NADK: variants seen among roughly 807,000 people sequenced by gnomAD.
NADK encodes the protein NAD kinase.
In NADK, 22 loss-of-function variants were observed where a neutral mutation model predicts 49.8. The ratio of observed to expected loss-of-function variants is 0.44; its 90% CI spans 0.32 to 0.63. NADK has a LOEUF of 0.63. NADK is among the 30% of genes least tolerant of loss of function. The pLI, the probability that NADK is intolerant of heterozygous loss-of-function variation, is 0.06. For synonymous variants in NADK, 268 were observed against 253.7 expected, an observed-to-expected ratio of 1.06 and a Z score of -0.54; for missense variants, 438 against 609.4, an observed-to-expected ratio of 0.72 and a Z score of 2.96.
Position 1,754,448 on chromosome 1 carries a change from G to A in NADK, c.844-65C>T, listed in dbSNP as rs143442670. ...GCCGCACGGCTCGCAGACACCCTCC[G>A]TCTCACCCAGCCGGGCTCTCCGGAA... On this transcript the variant is annotated intron_variant, in intron 8 of 11. Coordinates refer to ENST00000341426, the MANE Select transcript of NADK (RefSeq NM_023018.5). This position sits in a 1 kb window ranked among gnomAD's most constrained non-coding sequence, Gnocchi z 4.3. The A allele has an allele frequency of 2.5e-3, 3,959 of 1,607,700 alleles. 33 individuals carry two copies. Among genetic ancestry groups the A allele is most frequent in the South Asian group, 0.015 (1,396 of 90,808 alleles).
At position 1,757,289 on chromosome 1, in the gene NADK, G is replaced by C. The variant is rs764164786; in HGVS notation, c.285C>G (p.Ser95Arg). 5 of 1,613,834 alleles carry C rather than the reference G, an allele frequency of 3.1e-6. No individual in the cohort carries two copies. Among genetic ancestry groups the C allele is most frequent in the Non-Finnish European group, 4.2e-6 (5 of 1,179,952 alleles). ...GGGACTTGTTCCACGTCAGCCGCTG[G>C]CTCGCGGGGTCCTGAATGTGCCTTT... Reference protein sequence around the residue: ...QTIMHIQDPASQRLTWNKSPK... With the variant: ...QTIMHIQDPARQRLTWNKSPK... The change falls in exon 4 of 12, where the codon AGC becomes AGG. Residue 95 changes from serine to arginine, a missense_variant. Transcript: ENST00000341426.
chr1:1,753,508 G>A (rs1165341767), intron 11 of NADK, 59 bp downstream of exon 11: 91 of 1,456,216 alleles, frequency 6.2e-5, no homozygotes, highest in Admixed American at 1.1e-4. Context: ...GAGGGCAGGC[G>A]CTGCCTGGCC....
chr1:1,757,148 A>AAACCCCACCCCCCCCCCCCCC, intron 4 of NADK, 33 bp downstream of exon 4: 1 of 859,202 alleles, frequency 1.2e-6, no homozygotes, highest in Admixed American at 2.3e-5. Flanking sequence ...CTCCATGTGC[A>AAACCCCACCCCCCCCCCCCCC]CCCCAGGCCC....
At chr1:1,769,227 G>A (rs1193727272) in intron 1 of NADK, among the ~76,000 whole-genome samples, 3 of 152,184 alleles carry the variant, frequency 2.0e-5, no homozygotes, top group Non-Finnish European at 2.9e-5. Context: ...AGACCAGCCT[G>A]GCCAACATGA....
chr1:1,775,258 A>G (rs139861386), intron 1 of NADK, among the ~76,000 whole-genome samples: 303 of 152,386 alleles, frequency 2.0e-3, no homozygotes, highest in African/African-American at 6.7e-3. Flanking sequence ...CATGAACAAA[A>G]GTCACACACA....
At chr1:1,759,014 C>T in intron 3 of NADK, 1 of 1,423,570 alleles carries the variant, frequency 7.0e-7, no homozygotes, top group South Asian at 1.5e-5. Context: ...GTGCAGGTGG[C>T]TCACGGTCCT....
intron 5 of NADK, 52 bp from the exon 6 acceptor site, chr1:1,756,395 T>G (rs762888109): frequency 6.2e-7 from 1 of 1,607,508 alleles, no homozygotes; most frequent in Admixed American, 1.7e-5. Flanking sequence ...GTGGCCCCTC[T>G]GTGGCGCAGT....
chr1:1,760,211 C>A (rs1320719905), intron 3 of NADK, among the ~76,000 whole-genome samples: 1 of 152,280 alleles, frequency 6.6e-6, no homozygotes, highest in African/African-American at 2.4e-5. Flanking sequence ...AGGGGTCGGG[C>A]CCCCCGCCTC....
At chr1:1,756,173 G>C (rs1383510997) in intron 6 of NADK, 85 bp downstream of exon 6, 1 of 1,283,686 alleles carries the variant, frequency 7.8e-7, no homozygotes, top group African/African-American at 1.5e-5. Flanking sequence ...GGGGTGAAAA[G>C]CAATGGAAGC....
At chr1:1,760,217 G>A (rs1645675097) in intron 3 of NADK, among the ~76,000 whole-genome samples, 1 of 152,186 alleles carries the variant, frequency 6.6e-6, no homozygotes, top group African/African-American at 2.4e-5. Context: ...CGGGCCCCCC[G>A]CCTCAGGCAT....
At chr1:1,780,162 C>T (rs1272089693), upstream of NADK, 3 of 152,424 alleles carry the variant, frequency 2.0e-5, no homozygotes. Context: ...CCTTGAGCTG[C>T]CCAGTTCTTT....
chr1:1,772,106 G>T lies in NADK; in HGVS notation c.-41+6183C>A, dbSNP rs144596499. 1.0e-3 allele frequency among the ~76,000 whole-genome samples: 154 copies of T among 151,902 alleles called. 1 individual carries two copies. The highest frequency in any genetic ancestry group is 7.6e-3 in the East Asian group (39 of 5,158). On this transcript the variant is annotated intron_variant, in intron 1 of 11. Coordinates refer to ENST00000341426, the MANE Select transcript of NADK (RefSeq NM_023018.5). ...TTACAGGCGTGAGCCACCTCACCCAGCTGGAAAAAGTCTTAGTGGTGTTTA... is the reference window on the plus strand; with the variant it reads ...TTACAGGCGTGAGCCACCTCACCCATCTGGAAAAAGTCTTAGTGGTGTTTA...
At chr1:1,779,724 G>C (rs1233435879), upstream of NADK, among the ~76,000 whole-genome samples, 1 of 152,036 alleles carries the variant, frequency 6.6e-6, no homozygotes, top group African/African-American at 2.4e-5. Context: ...TGCCCAGGCT[G>C]GGTCTCAAAC....
chr1:1,756,735 T>G, intron 4 of NADK, 127 bp from the exon 5 acceptor site: 1 of 1,537,440 alleles, frequency 6.5e-7, no homozygotes, highest in Non-Finnish European at 8.9e-7. Flanking sequence ...CCCCCCACGC[T>G]CACGCTGAAA....
chr1:1,765,494 T>C, intron 1 of NADK, 48 bp from the exon 2 acceptor site: 1 of 967,156 alleles, frequency 1.0e-6, no homozygotes, highest in East Asian at 3.0e-5. Context: ...TAAATATGTA[T>C]GAAACAATAA....
chr1:1,770,733 AAAT>A (rs886648886), intron 1 of NADK, among the ~76,000 whole-genome samples: 31 of 152,062 alleles, frequency 2.0e-4, no homozygotes, highest in African/African-American at 6.7e-4. Flanking sequence ...CTCTGTCTCA[AAAT>A]AATAATAATA....
intron 1 of NADK, among the ~76,000 whole-genome samples, chr1:1,768,507 G>T (rs1314457196): frequency 6.6e-6 from 1 of 152,210 alleles, no homozygotes; most frequent in Non-Finnish European, 1.5e-5. Flanking sequence ...AGTGAACTGT[G>T]ATTGTGCTGT....
In NADK at chr1:1,756,535, G is replaced by A. The variant is rs1278026393; in HGVS notation, c.467C>T (p.Ala156Val). The A allele has an allele frequency of 6.2e-7, 1 of 1,614,058 alleles. No individual in the cohort carries two copies. Among genetic ancestry groups the A allele is most frequent in the Non-Finnish European group, 8.5e-7 (1 of 1,180,030 alleles). ...PAIASDESFG[A>V]VKKKFCTFRE... The stretch of plus-strand genomic sequence containing the variant: ...AAAGGTACAGAATTTCTTCTTCACT[G>A]CCCCAAAGCTTTCATCGCTGGCGAT... Residue 156 changes from alanine to valine, a missense_variant, in exon 5 of 12, where the codon GCA becomes GTA. Transcript: ENST00000341426.
Position 1,753,580 on chromosome 1 carries a change from G to A in NADK, c.1171C>T (p.Arg391Cys), listed in dbSNP as rs375840869. 51 of 1,612,346 alleles carry A rather than the reference G, an allele frequency of 3.2e-5. No homozygotes were observed. Among genetic ancestry groups the A allele is most frequent in the South Asian group, 9.9e-5 (9 of 90,674 alleles). ...SFDGRKRQEI[R>C]HGDSISITTS... ...TGCAGCCCACACCTGTCTCCATGGC[G>A]GATCTCTTGTCTCTTCCGTCCATCA... is the stretch of plus-strand genomic sequence containing the variant. The change falls in exon 11 of 12, where the codon CGC becomes TGC. Residue 391 changes from arginine to cysteine, a missense_variant. Physicochemically the swap from Arg to Cys is radical, Grantham distance 180. Coordinates refer to ENST00000341426, the MANE Select transcript of NADK (RefSeq NM_023018.5).
Sources: gnomAD v4.1 joint callset for allele counts (sites outside exome capture counted in the v4.1 genomes callset) on GRCh38, gnomAD v4.1.1 for gene constraint, Gnocchi (gnomAD v3.1) non-coding constraint, MANE v1.5 for transcripts, NCBI Gene and HGNC (gene_info 2026-07-23, HGNC 2026-07-21) for gene names.